The following AGMO variants were observed in gnomAD, a reference collection of about 807,000 sequenced individuals.
AGMO encodes alkylglycerol monooxygenase, also known as glyceryl-ether monooxygenase.
In AGMO, 75 loss-of-function variants were observed where a neutral mutation model predicts 60.2. The observed-to-expected ratio is 1.25, with a 90% CI of 1.03 to 1.51. The LOEUF is 1.51. AGMO is among the 40% of genes most tolerant of loss of function. AGMO has a pLI of 0.00. For synonymous variants in AGMO, 261 were observed against 177.1 expected, an observed-to-expected ratio of 1.47 and a Z score of -3.76; for missense variants, 763 against 525.5, an observed-to-expected ratio of 1.45 and a Z score of -4.42.
chr7:15,445,440 G>T (rs1781675139), intron 3 of AGMO, among the ~76,000 whole-genome samples: 1 of 151,884 alleles, frequency 6.6e-6, no homozygotes, highest in Admixed American at 6.6e-5. Flanking sequence ...TTGGTCCTGG[G>T]GTTAGAATAT....
intron 5 of AGMO, among the ~76,000 whole-genome samples, chr7:15,412,554 A>G (rs75362891): frequency 0.096 from 14,603 of 152,036 alleles, 839 homozygotes; most frequent in South Asian, 0.15. Flanking sequence ...TGAAAAACTC[A>G]GAGGTTGAAA....
rs1450394064 is a variant in AGMO, at chr7:15,322,603, AAT to A, written c.1263+42909_1263+42910del. On this transcript the variant is annotated intron_variant, in intron 12 of 12. Coordinates refer to ENST00000342526, the MANE Select transcript of AGMO (RefSeq NM_001004320.2). Reference sequence around the variant, plus strand: ...ATATATAAATATATAAATATATATAAATATATATAAATATATAAATATATATA... The same window carrying A: ...ATATATAAATATATAAATATATATAAATATATAAATATATAAATATATATA... Among the ~76,000 whole-genome samples the A allele has an allele frequency of 1.6e-3, 45 of 27,286 alleles. 14 individuals are homozygous for A. The highest frequency in any genetic ancestry group is 6.7e-3 in the African/African-American group (36 of 5,362). The allele number at this position is 27,286 out of a possible 152,430, so 17.9% of individuals were successfully genotyped here. A position where few individuals can be genotyped will look rare whatever the true frequency, so the allele number is the denominator to read the frequency against.
intron 3 of AGMO, among the ~76,000 whole-genome samples, chr7:15,445,734 C>A (rs1371266481): frequency 6.6e-6 from 1 of 151,946 alleles, no homozygotes; most frequent in Non-Finnish European, 1.5e-5. Context: ...TTTTAAGTTC[C>A]CAAATAGAGA....
At chr7:15,354,351 T>TAC (rs1563104952) in intron 12 of AGMO, among the ~76,000 whole-genome samples, 8 of 97,036 alleles carry the variant, frequency 8.2e-5, no homozygotes, top group Non-Finnish European at 1.4e-4. Context: ...CACGCGTGTA[T>TAC]ATAGACGTGT....
chr7:15,327,158 A>G (rs1020203884), intron 12 of AGMO, among the ~76,000 whole-genome samples: 1 of 152,194 alleles, frequency 6.6e-6, no homozygotes, highest in South Asian at 2.1e-4. Context: ...AACAGGCATC[A>G]TAACCTGGCT....
At chr7:15,380,638 C>G (rs1333916858) in intron 10 of AGMO, among the ~76,000 whole-genome samples, 1 of 151,670 alleles carries the variant, frequency 6.6e-6, no homozygotes, top group African/African-American at 2.4e-5. Flanking sequence ...CCTCACAGAA[C>G]TAGACAAACA....
chr7:15,362,586 C>G (rs1782808276), intron 12 of AGMO, among the ~76,000 whole-genome samples: 1 of 152,144 alleles, frequency 6.6e-6, no homozygotes, highest in Non-Finnish European at 1.5e-5. Context: ...ACGAAAAATT[C>G]CAGTGGCAAG....
intron 4 of AGMO, among the ~76,000 whole-genome samples, chr7:15,422,951 G>A (rs1780965167): frequency 6.6e-6 from 1 of 152,146 alleles, no homozygotes; most frequent in Non-Finnish European, 1.5e-5. Flanking sequence ...AGTAAAGTGA[G>A]GAGGCAATGA....
chr7:15,205,245 A>G (rs1260900112), intron 12 of AGMO, among the ~76,000 whole-genome samples: 1 of 152,198 alleles, frequency 6.6e-6, no homozygotes, highest in Non-Finnish European at 1.5e-5. Flanking sequence ...TGTGCAGTGG[A>G]AAGTTCCAAT....
At chr7:15,276,275 C>A (rs13227034) in intron 12 of AGMO, among the ~76,000 whole-genome samples, 117 of 152,104 alleles carry the variant, frequency 7.7e-4, no homozygotes, top group African/African-American at 2.7e-3. Context: ...GACTATTTCT[C>A]TTTCATTTAT....
At chr7:15,398,485 T>G (rs868231595) in intron 5 of AGMO, among the ~76,000 whole-genome samples, 6 of 152,314 alleles carry the variant, frequency 3.9e-5, no homozygotes, top group African/African-American at 1.4e-4. Flanking sequence ...TTCATCATTC[T>G]GACAGCCCAG....
At chr7:15,544,123 G>A (rs1248300334) in intron 3 of AGMO, among the ~76,000 whole-genome samples, 1 of 151,086 alleles carries the variant, frequency 6.6e-6, no homozygotes, top group Non-Finnish European at 1.5e-5. Context: ...CTCAGGAATG[G>A]AAAACCAAAC....
chr7:15,331,863 T>C (rs768031172), intron 12 of AGMO, among the ~76,000 whole-genome samples: 3 of 151,564 alleles, frequency 2.0e-5, no homozygotes, highest in Non-Finnish European at 4.4e-5. Context: ...GAGGGAGAGG[T>C]TGCAGTGAGC....
At chr7:15,462,354 T>C (rs1472530784) in intron 3 of AGMO, among the ~76,000 whole-genome samples, 5 of 152,146 alleles carry the variant, frequency 3.3e-5, no homozygotes, top group Non-Finnish European at 5.9e-5. Context: ...TAAAAGTTAT[T>C]TATTGTTTGA....
At chr7:15,257,645 G>T (rs2128508536) in intron 12 of AGMO, among the ~76,000 whole-genome samples, 1 of 152,274 alleles carries the variant, frequency 6.6e-6, no homozygotes, top group African/African-American at 2.4e-5. Context: ...AAGAATAATT[G>T]AGCTAAAAGA....
the AGMO span, among the ~76,000 whole-genome samples, chr7:15,180,605 C>A: frequency 2.6e-5 from 4 of 151,966 alleles, no homozygotes; most frequent in Non-Finnish European, 5.9e-5. Context: ...CTCTTCTGAG[C>A]CTTCACTATA....
the AGMO span, among the ~76,000 whole-genome samples, chr7:15,193,737 T>TA: frequency 7.9e-5 from 12 of 152,202 alleles, no homozygotes; most frequent in Admixed American, 7.9e-4. Flanking sequence ...CAACCAAGTT[T>TA]GACAGAGTCT....
intron 3 of AGMO, among the ~76,000 whole-genome samples, chr7:15,500,265 C>A (rs866374279): frequency 7.9e-5 from 12 of 151,904 alleles, no homozygotes; most frequent in African/African-American, 2.9e-4. Context: ...GAGTGTCTGT[C>A]CCAGTCAGGG....
At chr7:15,361,994 A>C (rs1482362829) in intron 12 of AGMO, among the ~76,000 whole-genome samples, 1 of 152,146 alleles carries the variant, frequency 6.6e-6, no homozygotes, top group Non-Finnish European at 1.5e-5. Context: ...ACTGACATTG[A>C]TTCTAGTGAT....
Sources: gnomAD v4.1 joint callset for allele counts (sites outside exome capture counted in the v4.1 genomes callset) on GRCh38, gnomAD v4.1.1 for gene constraint, MANE v1.5 for transcripts, NCBI Gene and HGNC (gene_info 2026-07-23, HGNC 2026-07-21) for gene names.